Variants in PALMD observed in about 807,000 individuals in gnomAD.
PALMD encodes palmdelphin.
In PALMD, 42 loss-of-function variants were observed where a neutral mutation model predicts 56.2. The observed-to-expected ratio is 0.75, with a 90% CI of 0.58 to 0.97. The LOEUF is 0.97. PALMD is among the 50% of genes least tolerant of loss of function. PALMD has a pLI of 0.00. For synonymous variants in PALMD, 242 were observed against 222.9 expected (o/e 1.09, Z -0.76); for missense variants, 660 against 643.8 (o/e 1.03, Z -0.27).
intron 1 of PALMD, among the ~76,000 whole-genome samples, chr1:99,658,823 G>T (rs1389391668): frequency 6.6e-6 from 1 of 151,880 alleles, no homozygotes; most frequent in African/African-American, 2.4e-5. Flanking sequence ...ACATGCATCT[G>T]TAGTCCCAGC....
chr1:99,679,754 A>G (rs1300788405), intron 3 of PALMD, among the ~76,000 whole-genome samples: 1 of 152,102 alleles, frequency 6.6e-6, no homozygotes, highest in African/African-American at 2.4e-5. Flanking sequence ...CTAATTGGAG[A>G]GGAGTTAAGA....
chr1:99,668,878 A>G (rs921486521), intron 3 of PALMD: 4 of 152,216 alleles, frequency 2.6e-5, no homozygotes, highest in Non-Finnish European at 5.9e-5. Flanking sequence ...GGCCAGAATC[A>G]TTTTCTAACC....
intron 7 of PALMD, 92 bp downstream of exon 7, chr1:99,689,964 C>A: frequency 1.6e-6 from 2 of 1,221,928 alleles, no homozygotes; most frequent in Non-Finnish European, 2.3e-6. Flanking sequence ...CTTCTCTGAC[C>A]ACCTCATAAA....
intron 1 of PALMD, among the ~76,000 whole-genome samples, chr1:99,657,163 C>T (rs1161220236): frequency 6.6e-6 from 1 of 152,146 alleles, no homozygotes; most frequent in Non-Finnish European, 1.5e-5. Flanking sequence ...TCAAAACTCA[C>T]ACATCTTTAT....
intron 1 of PALMD, among the ~76,000 whole-genome samples, chr1:99,659,252 T>A (rs923799420): frequency 6.6e-6 from 1 of 152,236 alleles, no homozygotes; most frequent in Non-Finnish European, 1.5e-5. Context: ...ACAATAACTA[T>A]AGTTGTACAA....
chr1:99,652,659 AGAAAGGAAAGGAAAG>A (rs59533552), intron 1 of PALMD, among the ~76,000 whole-genome samples: 3,365 of 122,210 alleles, frequency 0.028, 87 homozygotes, highest in African/African-American at 0.05. Context: ...AAGAAAGAAA[AGAAAGGAAAGGAAAG>A]GAAAGGAAAG....
At chr1:99,678,080 A>G (rs1263333520) in intron 3 of PALMD, among the ~76,000 whole-genome samples, 1 of 151,574 alleles carries the variant, frequency 6.6e-6, no homozygotes, top group Non-Finnish European at 1.5e-5. Context: ...TCTCAAGCAA[A>G]CTAAGAAGGA....
At chr1:99,692,804 G>A (rs1007330008) in intron 7 of PALMD, among the ~76,000 whole-genome samples, 3 of 152,166 alleles carry the variant, frequency 2.0e-5, no homozygotes, top group Non-Finnish European at 4.4e-5. Context: ...TCTGCCTTCT[G>A]TTCACCTTCT....
chr1:99,679,830 C>G (rs1002557523), intron 3 of PALMD, among the ~76,000 whole-genome samples: 2 of 152,158 alleles, frequency 1.3e-5, no homozygotes, highest in Non-Finnish European at 2.9e-5. Flanking sequence ...CTGTGAGACT[C>G]TGGGCCGGTT....
Position 99,688,905 on chromosome 1 carries a change from G to T in PALMD, c.645G>T (p.Lys215Asn). The change falls in exon 7 of 8, where the codon AAG becomes AAT. Residue 215 changes from lysine to asparagine, a missense_variant. Lys to Asn is a moderately conservative substitution (Grantham distance 94). Coordinates refer to ENST00000263174, the MANE Select transcript of PALMD (RefSeq NM_017734.5). ...TAAAAGTTTATGATGATGGGCAAAA[G>T]TCAGTGTATGCAGTAAGTTCTAATC... The part of the protein sequence containing the change: ...TGIKVYDDGQ[K>N]SVYAVSSNHS... 1 of 1,613,794 alleles carries T rather than the reference G, an allele frequency of 6.2e-7. No individual in the cohort carries two copies. The highest frequency in any genetic ancestry group is 8.5e-7 in the Non-Finnish European group (1 of 1,179,776).
intron 1 of PALMD, among the ~76,000 whole-genome samples, chr1:99,654,220 T>A (rs1449213197): frequency 6.6e-6 from 1 of 151,998 alleles, no homozygotes; most frequent in Non-Finnish European, 1.5e-5. Flanking sequence ...GACTTGAAAG[T>A]TCAGTAAAGA....
chr1:99,670,379 C>T (rs1254045508), intron 3 of PALMD, among the ~76,000 whole-genome samples: 1 of 152,104 alleles, frequency 6.6e-6, no homozygotes, highest in African/African-American at 2.4e-5. Flanking sequence ...TACATTAAGT[C>T]ATCGAAAACA....
chr1:99,665,537 TAAAATTATTTCTAACTAGACTA>T (rs1652942734), intron 2 of PALMD, among the ~76,000 whole-genome samples: 1 of 152,112 alleles, frequency 6.6e-6, no homozygotes, highest in African/African-American at 2.4e-5. Flanking sequence ...AGACTAAAAT[TAAAATTATTTCTAACTAGACTA>T]AAAACCAAGA....
Position 99,650,764 on chromosome 1 carries a change from C to A in PALMD, c.45+4402C>A, listed in dbSNP as rs376524958. ...CTTCTGAGCATGATGACCTGGGTGA[C>A]TTCACAGGTCACAAACCCAAGAAGT... is the stretch of plus-strand genomic sequence containing the variant. On this transcript the variant is annotated intron_variant, in intron 1 of 7. Coordinates refer to ENST00000263174, the MANE Select transcript of PALMD (RefSeq NM_017734.5). Among the ~76,000 whole-genome samples the A allele has an allele frequency of 1.9e-4, 29 of 152,262 alleles. 1 individual carries two copies. Among genetic ancestry groups the A allele is most frequent in the African/African-American group, 6.7e-4 (28 of 41,544 alleles).
At chr1:99,667,447 A>G (rs1652991605) in intron 2 of PALMD, 195 bp from the exon 3 acceptor site, 3 of 572,590 alleles carry the variant, frequency 5.2e-6, no homozygotes, top group Non-Finnish European at 9.5e-6. Flanking sequence ...ATTTAGATGC[A>G]TAAAACCTGG....
chr1:99,676,627 G>A (rs12025746), intron 3 of PALMD, among the ~76,000 whole-genome samples: 12,615 of 151,674 alleles, frequency 0.083, 697 homozygotes, highest in Admixed American at 0.17. Flanking sequence ...CCACTTATAC[G>A]TTAGAACACG....
At position 99,689,063 on chromosome 1, in the gene PALMD, G is replaced by A; in HGVS notation, c.803G>A (p.Arg268Lys). Residue 268 changes from arginine (R) to lysine (K), a missense_variant, in exon 7 of 8, where the codon AGG becomes AAG. Transcript: ENST00000263174. ...HEPVYANPFY[R>K]PTTPQRETVT... ...CCTGTATATGCCAATCCCTTTTACA[G>A]GCCTACAACCCCACAGAGAGAAACG... 9.9e-6 allele frequency: 16 copies of A among 1,613,558 alleles called. No individual in the cohort carries two copies. Among genetic ancestry groups the A allele is most frequent in the Non-Finnish European group, 1.3e-5 (15 of 1,179,776 alleles).
intron 1 of PALMD, among the ~76,000 whole-genome samples, chr1:99,653,540 A>G (rs1571059071): frequency 1.3e-5 from 2 of 152,324 alleles, no homozygotes; most frequent in Non-Finnish European, 2.9e-5. Flanking sequence ...AATTCACCCC[A>G]TAAATAGTAG....
At chr1:99,658,303 C>CAA (rs144642179) in intron 1 of PALMD, among the ~76,000 whole-genome samples, 56 of 105,266 alleles carry the variant, frequency 5.3e-4, no homozygotes, top group African/African-American at 1.6e-3. Context: ...GACTCTGTCT[C>CAA]AAAAAAAAAA....
Sources: gnomAD v4.1 joint callset for allele counts (sites outside exome capture counted in the v4.1 genomes callset) on GRCh38, gnomAD v4.1.1 for gene constraint, MANE v1.5 for transcripts, NCBI Gene and HGNC (gene_info 2026-07-23, HGNC 2026-07-21) for gene names.